Variants in MTHFS observed in about 807,000 individuals in gnomAD.
MTHFS encodes methenyltetrahydrofolate synthetase.
MTHFS carries 7 observed loss-of-function variants against 12.7 expected under a neutral mutation model. The ratio of observed to expected loss-of-function variants is 0.55; its 90% CI spans 0.31 to 1.03. The LOEUF (loss-of-function observed/expected upper bound fraction) is 1.03. MTHFS is among the 50% of genes least tolerant of loss of function. The probability of loss-of-function intolerance (pLI) is 0.05; values close to 1 mark genes in which losing one functional copy is unlikely to be tolerated. For synonymous variants in MTHFS, 100 were observed against 97.1 expected, an observed-to-expected ratio of 1.03 and a Z score of -0.18; for missense variants, 252 against 258.1, an observed-to-expected ratio of 0.98 and a Z score of 0.16.
chr15:79,851,511 GAGA>G (rs971369196), intron 2 of MTHFS, among the ~76,000 whole-genome samples: 1 of 152,194 alleles, frequency 6.6e-6, no homozygotes, highest in Non-Finnish European at 1.5e-5. Flanking sequence ...GCTTCTAGAA[GAGA>G]AGGAGAGCAC....
intron 1 of MTHFS, chr15:79,896,671 C>G: frequency 1.0e-6 from 1 of 969,736 alleles, no homozygotes; most frequent in Non-Finnish European, 1.4e-6. Context: ...CTACCGGGCC[C>G]TCTCCCCGCC....
At chr15:79,848,695 G>A (rs543252654) in intron 2 of MTHFS, among the ~76,000 whole-genome samples, 1 of 152,316 alleles carries the variant, frequency 6.6e-6, no homozygotes, top group East Asian at 1.9e-4. Flanking sequence ...TCCCTTGAGC[G>A]AGAGTTAATC....
chr15:79,870,025 T>C (rs2034076271), intron 2 of MTHFS, among the ~76,000 whole-genome samples: 1 of 152,124 alleles, frequency 6.6e-6, no homozygotes, highest in Non-Finnish European at 1.5e-5. Context: ...GACATGAAAC[T>C]TTAGGATGAA....
intron 2 of MTHFS, chr15:79,877,281 G>T (rs1279787334): frequency 5.9e-5 from 9 of 152,046 alleles, no homozygotes; most frequent in Admixed American, 4.6e-4. Flanking sequence ...AGAAGGAGAA[G>T]AGAGACAATG....
rs2033595437 is a variant in MTHFS, at chr15:79,845,449, A to G, written c.380-7T>C. On this transcript the variant is annotated splice_polypyrimidine_tract_variant and splice_region_variant and intron_variant, in intron 2 of 2. Transcript: ENST00000258874. ...AAGATGAGATCAAGTCCCCCTGCGG[A>G]AAAGAGGAACAAATTTAAGAGGATT... The G allele has an allele frequency of 6.2e-7, 1 of 1,609,560 alleles. No individual in the cohort carries two copies. The highest frequency in any genetic ancestry group is 8.5e-7 in the Non-Finnish European group (1 of 1,176,602).
At chr15:79,845,593 A>G in intron 2 of MTHFS, 151 bp from the exon 3 acceptor site, 3 of 1,117,926 alleles carry the variant, frequency 2.7e-6, no homozygotes, top group Non-Finnish European at 3.7e-6. Context: ...AGAGTTGGAC[A>G]AAAAAGGAAA....
Position 79,879,206 on chromosome 15 carries a change from T to C in MTHFS, c.379+9887A>G, listed in dbSNP as rs534940215. ...TAAATGACCAGTACTTCCCAAATTT[T>C]TCACTAAGGTAACTGCAGAGAAAGT... On this transcript the variant is annotated intron_variant, in intron 2 of 2. Transcript: ENST00000258874. Among the ~76,000 whole-genome samples the C allele has an allele frequency of 2.0e-5, 3 of 152,140 alleles. No individual in the cohort carries two copies. The South Asian group carries it at 6.2e-4, about 32-fold the overall frequency.
rs551070398 is a variant in MTHFS at position 79,872,082 on chromosome 15, C to T, written c.379+17011G>A. On this transcript the variant is annotated intron_variant, in intron 2 of 2. Transcript: ENST00000258874. Reference sequence around the variant, plus strand: ...ATAACACCACTGCACTCCAGCCTGGCGACAGAGCAAGACTCCGTCTCAAAA... The same window carrying T: ...ATAACACCACTGCACTCCAGCCTGGTGACAGAGCAAGACTCCGTCTCAAAA... Among the ~76,000 whole-genome samples the T allele has an allele frequency of 6.8e-5, 8 of 117,694 alleles. No individual in the cohort carries two copies. In the South Asian group the frequency reaches 8.3e-4, roughly 12 times the overall value. 77.2% of individuals were successfully genotyped at this position (117,694 alleles called of 152,430 possible).
At position 79,845,199 on chromosome 15, in the gene MTHFS, G is replaced by C; in HGVS notation, c.*11C>G. 1.9e-6 allele frequency: 3 copies of C among 1,613,960 alleles called. No individual in the cohort carries two copies. Among genetic ancestry groups the C allele is most frequent in the Non-Finnish European group, 2.5e-6 (3 of 1,179,874 alleles). ...ATAAAACACTGATTATTTGGCTGTA[G>C]TAATCCAGATTTAAGCTGTTGACGA... is the stretch of plus-strand genomic sequence containing the variant. On this transcript the variant is annotated 3_prime_UTR_variant, in exon 3 of 3. Transcript: ENST00000258874.
intron 2 of MTHFS, among the ~76,000 whole-genome samples, chr15:79,854,250 C>T (rs1434242436): frequency 1.3e-5 from 2 of 152,170 alleles, no homozygotes. Flanking sequence ...GATGGAGATG[C>T]TTAGAGAAAG....
At chr15:79,848,057 T>G (rs1401153454) in intron 2 of MTHFS, among the ~76,000 whole-genome samples, 1 of 152,216 alleles carries the variant, frequency 6.6e-6, no homozygotes, top group Non-Finnish European at 1.5e-5. Flanking sequence ...CACTCCCACG[T>G]TCATTGCACC....
At chr15:79,865,531 C>T (rs530329292) in intron 2 of MTHFS, among the ~76,000 whole-genome samples, 2 of 152,170 alleles carry the variant, frequency 1.3e-5, no homozygotes, top group East Asian at 3.9e-4. Context: ...AGCAGGTATA[C>T]GTATCGTAAC....
At chr15:79,859,300 T>C (rs1596065996) in intron 2 of MTHFS, among the ~76,000 whole-genome samples, 1 of 152,252 alleles carries the variant, frequency 6.6e-6, no homozygotes. Context: ...GCAGGACTCA[T>C]CCCACCAGGT....
chr15:79,868,081 A>G (rs911144849), intron 2 of MTHFS, among the ~76,000 whole-genome samples: 1 of 152,244 alleles, frequency 6.6e-6, no homozygotes, highest in Non-Finnish European at 1.5e-5. Flanking sequence ...TCTGTAGCAC[A>G]GTGCTAGGAG....
In MTHFS at chr15:79,844,797, G is replaced by A. The variant is rs1483384482; in HGVS notation, c.*413C>T. ...GCAAATACCAACAAATAAATTAATA[G>A]TCCCCAAGTCTCCATGTGCCTGCCA... On this transcript the variant is annotated 3_prime_UTR_variant, in exon 3 of 3. Coordinates refer to ENST00000258874, the MANE Select transcript of MTHFS (RefSeq NM_006441.4). Among the ~76,000 whole-genome samples, 2 of 152,156 alleles carry A rather than the reference G, an allele frequency of 1.3e-5. No homozygotes were observed. The highest frequency in any genetic ancestry group is 2.9e-5 in the Non-Finnish European group (2 of 68,034).
chr15:79,869,405 A>G (rs2034065885), intron 2 of MTHFS, among the ~76,000 whole-genome samples: 1 of 152,208 alleles, frequency 6.6e-6, no homozygotes, highest in African/African-American at 2.4e-5. Flanking sequence ...ACAGTCATAC[A>G]AAAGAATAAT....
intron 2 of MTHFS, among the ~76,000 whole-genome samples, chr15:79,846,903 A>G (rs1452854636): frequency 6.6e-6 from 1 of 152,228 alleles, no homozygotes; most frequent in Non-Finnish European, 1.5e-5. Context: ...CTGCCTCTTT[A>G]CAGTATGGCA....
chr15:79,874,021 A>G (rs988100548), intron 2 of MTHFS, among the ~76,000 whole-genome samples: 3 of 152,250 alleles, frequency 2.0e-5, no homozygotes, highest in Non-Finnish European at 4.4e-5. Flanking sequence ...AAGGACAACT[A>G]GAGAAGTGCT....
rs567373973 is a variant in MTHFS at position 79,889,476 on chromosome 15, G to A, written c.118-122C>T. ...TTAAATATTAAAAAGAAAAAAAAAG[G>A]GGGGGGGACCAGAGTGATATAGTGG... On this transcript the variant is annotated intron_variant, in intron 1 of 2. Coordinates refer to ENST00000258874, the MANE Select transcript of MTHFS (RefSeq NM_006441.4). 6.8e-5 allele frequency: 93 copies of A among 1,376,622 alleles called. 1 individual carries two copies. Among genetic ancestry groups the A allele is most frequent in the South Asian group, 2.1e-4 (14 of 66,222 alleles). The allele number at this position is 1,376,622 out of a possible 1,614,324, so 85.3% of individuals were successfully genotyped here. A position where few individuals can be genotyped will look rare whatever the true frequency, so the allele number is the denominator to read the frequency against.
Sources: allele counts gnomAD v4.1 joint callset (sites outside exome capture counted in the v4.1 genomes callset), GRCh38; gene constraint gnomAD v4.1.1; transcripts MANE v1.5; gene names NCBI Gene and HGNC (gene_info 2026-07-23, HGNC 2026-07-21).